Variants in CDH13 observed in about 807,000 individuals in gnomAD.
The protein encoded by CDH13 is cadherin-13.
In CDH13, 24 loss-of-function variants were observed where a neutral mutation model predicts 63.8. The ratio of observed to expected loss-of-function variants is 0.38; its 90% CI spans 0.27 to 0.53. The LOEUF is 0.53. Among genes scored for constraint, CDH13 ranks in the 20% least tolerant of loss-of-function variants. The pLI is 0.85. For synonymous variants in CDH13, 503 were observed against 355.3 expected, an observed-to-expected ratio of 1.42 and a Z score of -4.67; for missense variants, 1,049 against 903.1, an observed-to-expected ratio of 1.16 and a Z score of -2.07.
chr16:82,766,104 C>T (rs61309661), intron 1 of CDH13, among the ~76,000 whole-genome samples: 1 of 152,190 alleles, frequency 6.6e-6, no homozygotes, highest in Admixed American at 6.5e-5. Flanking sequence ...ATTTTCCTCA[C>T]CACCTCACTT....
intron 3 of CDH13, among the ~76,000 whole-genome samples, chr16:83,123,676 G>C (rs746037944): frequency 6.6e-5 from 10 of 152,134 alleles, no homozygotes; most frequent in Non-Finnish European, 1.0e-4. Context: ...CACAAGTGCA[G>C]GTATTGTTTT....
intron 7 of CDH13, among the ~76,000 whole-genome samples, chr16:83,576,881 C>G (rs4782820): frequency 0.64 from 97,037 of 151,936 alleles, 31,131 homozygotes; most frequent in East Asian, 0.79. Flanking sequence ...TTGCCTACAT[C>G]TTCTGGATAG....
At chr16:83,584,008 C>CCATAAGTG (rs1299005137) in intron 7 of CDH13, among the ~76,000 whole-genome samples, 1 of 151,990 alleles carries the variant, frequency 6.6e-6, no homozygotes, top group Non-Finnish European at 1.5e-5. Flanking sequence ...TTTCACTATG[C>CCATAAGTG]CATAAGTGAG....
At chr16:83,496,987 C>T (rs1236131239) in intron 7 of CDH13, among the ~76,000 whole-genome samples, 2 of 152,128 alleles carry the variant, frequency 1.3e-5, no homozygotes, top group African/African-American at 2.4e-5. Context: ...GTTAGAATGG[C>T]GATCATTCAA....
At chr16:82,683,927 AAT>A (rs1914807352) in intron 1 of CDH13, among the ~76,000 whole-genome samples, 1 of 152,228 alleles carries the variant, frequency 6.6e-6, no homozygotes, top group Non-Finnish European at 1.5e-5. Flanking sequence ...TTACAGAACT[AAT>A]AAAAACATGA....
intron 1 of CDH13, among the ~76,000 whole-genome samples, chr16:82,668,836 G>C (rs148961000): frequency 1.9e-3 from 289 of 152,358 alleles, no homozygotes; most frequent in African/African-American, 6.7e-3. Context: ...GAGAGGGGCT[G>C]TGAGCCCCTG....
At chr16:83,111,965 A>T (rs578204586) in intron 3 of CDH13, among the ~76,000 whole-genome samples, 1 of 152,242 alleles carries the variant, frequency 6.6e-6, no homozygotes, top group South Asian at 2.1e-4. Flanking sequence ...AAAAACTCTT[A>T]TTCCTTAAAT....
At chr16:83,191,492 CATATATATATAT>C (rs200931128) in intron 4 of CDH13, among the ~76,000 whole-genome samples, 1 of 92,696 alleles carries the variant, frequency 1.1e-5, no homozygotes, top group Non-Finnish European at 2.1e-5. Flanking sequence ...TATATATGCA[CATATATATATAT>C]ACACACACAC....
At chr16:82,769,524 G>C (rs1326367868) in intron 1 of CDH13, among the ~76,000 whole-genome samples, 1 of 152,170 alleles carries the variant, frequency 6.6e-6, no homozygotes, top group East Asian at 1.9e-4. Context: ...TCTAATTCTG[G>C]AGAATGGTAA....
chr16:83,514,908 G>T (rs2074666616), intron 7 of CDH13, among the ~76,000 whole-genome samples: 1 of 152,098 alleles, frequency 6.6e-6, no homozygotes, highest in Admixed American at 6.6e-5. Flanking sequence ...GTTGTTTTGA[G>T]CCCCTCCGGT....
At chr16:83,624,576 T>G (rs1209608496) in intron 8 of CDH13, among the ~76,000 whole-genome samples, 1 of 152,110 alleles carries the variant, frequency 6.6e-6, no homozygotes, top group Non-Finnish European at 1.5e-5. Context: ...ATGCCACCAC[T>G]GATCTGACAG....
At chr16:83,280,113 T>G (rs2089122405) in intron 5 of CDH13, among the ~76,000 whole-genome samples, 1 of 152,030 alleles carries the variant, frequency 6.6e-6, no homozygotes, top group South Asian at 2.1e-4. Flanking sequence ...AACAATGAAG[T>G]TTGTAACATC....
chr16:82,763,528 C>T (rs2034934061), intron 1 of CDH13, among the ~76,000 whole-genome samples: 1 of 152,280 alleles, frequency 6.6e-6, no homozygotes, highest in East Asian at 1.9e-4. Context: ...CACTGGCCAA[C>T]AATTTCAGTC....
chr16:83,477,600 G>A (rs1212100746), intron 6 of CDH13, among the ~76,000 whole-genome samples: 1 of 152,154 alleles, frequency 6.6e-6, no homozygotes, highest in Non-Finnish European at 1.5e-5. Context: ...TCGGACAGAT[G>A]ATGAATTTTT....
chr16:82,883,375 C>T (rs1052456270), intron 2 of CDH13, among the ~76,000 whole-genome samples: 1 of 152,224 alleles, frequency 6.6e-6, no homozygotes, highest in African/African-American at 2.4e-5. Context: ...AGCTCTCACA[C>T]TTGAGTGTCT....
At chr16:82,858,745 G>C (rs752537374) in intron 2 of CDH13, 11 of 585,850 alleles carry the variant, frequency 1.9e-5, no homozygotes, top group Admixed American at 9.0e-5. Flanking sequence ...CCTCCAATGA[G>C]AGTTGTACAC....
At chr16:83,181,593 G>A (rs2038350085) in intron 4 of CDH13, among the ~76,000 whole-genome samples, 1 of 152,200 alleles carries the variant, frequency 6.6e-6, no homozygotes, top group Admixed American at 6.5e-5. Flanking sequence ...GGTTCTGTGA[G>A]TTCAAAATAA....
intron 3 of CDH13, among the ~76,000 whole-genome samples, chr16:83,122,001 T>A (rs2035604777): frequency 6.7e-6 from 1 of 148,618 alleles, no homozygotes; most frequent in South Asian, 2.1e-4. Context: ...CACACTTTTA[T>A]GGGGCCTTGG....
At chr16:83,046,151 A>C (rs1475915139) in intron 3 of CDH13, among the ~76,000 whole-genome samples, 1 of 152,222 alleles carries the variant, frequency 6.6e-6, no homozygotes, top group Non-Finnish European at 1.5e-5. Flanking sequence ...CTAATAAATA[A>C]ATAGAAACCT....
Sources: gnomAD v4.1 joint callset for allele counts (sites outside exome capture counted in the v4.1 genomes callset) on GRCh38, gnomAD v4.1.1 for gene constraint, MANE v1.5 for transcripts, NCBI Gene and HGNC (gene_info 2026-07-23, HGNC 2026-07-21) for gene names.